The following ZDHHC1 variants were observed in gnomAD, a reference collection of about 807,000 sequenced individuals.
ZDHHC1 encodes the protein palmitoyltransferase ZDHHC1.
ZDHHC1 carries 45 observed loss-of-function variants against 46.9 expected under a neutral mutation model. The ratio of observed to expected loss-of-function variants is 0.96; its 90% CI spans 0.76 to 1.23. The LOEUF is 1.23. Ranked by LOEUF, ZDHHC1 falls within the 50% of genes most tolerant of loss-of-function variation. The pLI is 0.00. For synonymous variants in ZDHHC1, 291 were observed against 286.0 expected, an observed-to-expected ratio of 1.02 and a Z score of -0.18; for missense variants, 649 against 670.8, an observed-to-expected ratio of 0.97 and a Z score of 0.36.
chr16:67,412,111 CA>C lies in ZDHHC1; in HGVS notation c.-39+4059del, dbSNP rs746919515. On this transcript the variant is annotated intron_variant, in intron 1 of 11. Transcript: ENST00000565726. ...CTGGGCAACAGGCGAGACTCTGTCT[CA>C]AAAAAAAAAACAAAAAAAGGCTGCG... 7.1e-3 allele frequency among the ~76,000 whole-genome samples: 930 copies of C among 130,910 alleles called. 7 individuals carry two copies. The highest frequency in any genetic ancestry group is 0.024 in the African/African-American group (854 of 35,980). The allele number at this position is 130,910 out of a possible 152,430, so 85.9% of individuals were successfully genotyped here.
At chr16:67,395,823 T>A in intron 8 of ZDHHC1, 1 of 521,126 alleles carries the variant, frequency 1.9e-6, no homozygotes, top group South Asian at 2.2e-5. Flanking sequence ...CCAGCCCCCA[T>A]GGGTCTATAG....
rs1202449358 is a variant in ZDHHC1 at position 67,401,190 on chromosome 16, C to T, written c.253-58G>A. 17 of 1,585,130 alleles carry T rather than the reference C, an allele frequency of 1.1e-5. No homozygotes were observed. Among genetic ancestry groups the T allele is most frequent in the Non-Finnish European group, 1.4e-5 (16 of 1,166,876 alleles). ...TGCCGGCTGGGAGTCCTGCCCCGTT[C>T]CTTGCAGCCAGAGAACTCCCCACTG... On this transcript the variant is annotated intron_variant, in intron 3 of 11. Transcript: ENST00000565726. This position sits in a 1 kb window ranked among gnomAD's most constrained non-coding sequence, Gnocchi z 4.6.
At position 67,416,412 on chromosome 16, in the gene ZDHHC1, T is replaced by TGGAGGG. The variant is rs2040837099; in HGVS notation, c.-281_-280insCCCTCC. On this transcript the variant is annotated 5_prime_UTR_variant, in exon 1 of 12. Coordinates refer to ENST00000565726, the MANE Select transcript of ZDHHC1 (RefSeq NM_001323627.2). ...CTCCGGCTCCGGCTCCGGCTCCGGC[T>TGGAGGG]CCGGCTCCAGCAGGCTGGAGGGGCG... 4.9e-6 allele frequency: 1 copy of TGGAGGG among 205,298 alleles called. No individual in the cohort carries two copies. Among genetic ancestry groups the TGGAGGG allele is most frequent in the African/African-American group, 3.0e-5 (1 of 33,788 alleles). 12.7% of individuals were successfully genotyped at this position (205,298 alleles called of 1,614,324 possible).
At chr16:67,404,593 T>G (rs2040618176) in intron 3 of ZDHHC1, 2 of 438,094 alleles carry the variant, frequency 4.6e-6, no homozygotes. Context: ...GAACCCTGAA[T>G]GCGGAGACAA....
chr16:67,407,212 G>A (rs540887023), intron 2 of ZDHHC1, among the ~76,000 whole-genome samples: 57 of 152,308 alleles, frequency 3.7e-4, no homozygotes, highest in African/African-American at 1.3e-3. Flanking sequence ...CCCTCTAGCC[G>A]GACAGCTGGC....
chr16:67,414,316 T>C (rs891103532), intron 1 of ZDHHC1, among the ~76,000 whole-genome samples: 49 of 152,214 alleles, frequency 3.2e-4, no homozygotes, highest in African/African-American at 1.1e-3. Flanking sequence ...ACTGTTGCTT[T>C]TACTGCATCT....
At chr16:67,405,170 C>T (rs766230020) in intron 3 of ZDHHC1, among the ~76,000 whole-genome samples, 9 of 152,220 alleles carry the variant, frequency 5.9e-5, no homozygotes, top group African/African-American at 1.2e-4. Context: ...CCTCCACATA[C>T]CTACCCTGCC....
intron 7 of ZDHHC1, 32 bp from the exon 8 acceptor site, chr16:67,398,356 G>A: frequency 6.3e-7 from 1 of 1,597,724 alleles, no homozygotes; most frequent in South Asian, 1.1e-5. Context: ...TCAGTGCGGT[G>A]GAAGGGGGAC....
rs2040500415 is a variant in ZDHHC1 at position 67,399,357 on chromosome 16, G to C, written c.528C>G (p.Tyr176Ter). 35 of 1,612,410 alleles carry C rather than the reference G, an allele frequency of 2.2e-5. No individual in the cohort carries two copies. Among genetic ancestry groups the C allele is most frequent in the Non-Finnish European group, 2.9e-5 (34 of 1,179,266 alleles). Residue 176 changes from tyrosine to a stop codon, truncating the protein, a stop_gained and splice_region_variant, in exon 5 of 12, where the codon TAC (tyrosine) becomes TAG (stop). Transcript: ENST00000565726. LOFTEE classifies it high-confidence loss of function. ...WLNNCVGERN[Y>*]RLFLHSVASA... ...GCGTGCGGCCGGGCTGTCCTCACCG[G>C]TAGTTCCGCTCGCCCACACAGTTGT... is the stretch of plus-strand genomic sequence containing the variant.
intron 1 of ZDHHC1, among the ~76,000 whole-genome samples, chr16:67,412,774 CA>C (rs2040768348): frequency 6.6e-6 from 1 of 152,080 alleles, no homozygotes; most frequent in Non-Finnish European, 1.5e-5. Context: ...TTGTGGTTTC[CA>C]TGTGAGAGAT....
At chr16:67,395,688 G>A in intron 8 of ZDHHC1, 122 bp from the exon 9 acceptor site, 2 of 975,754 alleles carry the variant, frequency 2.0e-6, no homozygotes, top group Admixed American at 4.6e-5. Context: ...CCTCATGCCA[G>A]GCTCCCAGCC....
intron 1 of ZDHHC1, among the ~76,000 whole-genome samples, chr16:67,409,146 A>G (rs1450120218): frequency 6.6e-6 from 1 of 152,094 alleles, no homozygotes; most frequent in Non-Finnish European, 1.5e-5. Flanking sequence ...CTGACTCCTG[A>G]GGCAGGAGGA....
At chr16:67,404,161 T>C (rs1288749271) in intron 3 of ZDHHC1, 1 of 132,682 alleles carries the variant, frequency 7.5e-6, no homozygotes, top group African/African-American at 3.0e-5. Flanking sequence ...GATGACTGAC[T>C]GGATTTAAGT....
chr16:67,398,154 G>C lies in ZDHHC1; in HGVS notation c.927+58C>G. The C allele has an allele frequency of 2.6e-6, 4 of 1,536,472 alleles. No homozygotes were observed. The Admixed American group carries it at 6.8e-5, about 26-fold the overall frequency. On this transcript the variant is annotated intron_variant, in intron 8 of 11. Coordinates refer to ENST00000565726, the MANE Select transcript of ZDHHC1 (RefSeq NM_001323627.2). The stretch of plus-strand genomic sequence containing the variant: ...TGCCCTGTCTCCTCACTGGCTGCTC[G>C]CTGCACAGCCCAACACCCCCCACAC...
chr16:67,398,494 G>C (rs2040477185), intron 7 of ZDHHC1, 79 bp downstream of exon 7: 1 of 1,538,352 alleles, frequency 6.5e-7, no homozygotes, highest in Non-Finnish European at 8.7e-7. Context: ...CATGGTTTCA[G>C]GGTCCACCGT....
rs548608350 is a variant in ZDHHC1 at position 67,407,950 on chromosome 16, G to A, written c.-38-137C>T. On this transcript the variant is annotated intron_variant, in intron 1 of 11. Transcript: ENST00000565726. Reference sequence around the variant, plus strand: ...GCAGGGTCGTGAACCCATGCCTCCCGCAGCCCATCTCCCTCTGCCGGCTGG... The same window carrying A: ...GCAGGGTCGTGAACCCATGCCTCCCACAGCCCATCTCCCTCTGCCGGCTGG... 8.6e-4 allele frequency: 525 copies of A among 611,346 alleles called. 1 individual carries two copies. Among genetic ancestry groups the A allele is most frequent in the Non-Finnish European group, 1.2e-3 (384 of 330,778 alleles). The allele number at this position is 611,346 out of a possible 1,614,324, so 37.9% of individuals were successfully genotyped here.
At position 67,407,822 on chromosome 16, in the gene ZDHHC1, A is replaced by G; in HGVS notation, c.-38-9T>C. 2.6e-6 allele frequency: 2 copies of G among 779,238 alleles called. No individual in the cohort carries two copies. The highest frequency in any genetic ancestry group is 4.8e-6 in the Non-Finnish European group (2 of 417,098). 48.3% of individuals were successfully genotyped at this position (779,238 alleles called of 1,614,324 possible). A position where few individuals can be genotyped will look rare whatever the true frequency, so the allele number is the denominator to read the frequency against. ...TGCTGACTTGAAAACAGCTGAAATA[A>G]AAGGAAACGTGGGCACAGTAAATGG... On this transcript the variant is annotated splice_polypyrimidine_tract_variant and intron_variant, in intron 1 of 11. Coordinates refer to ENST00000565726, the MANE Select transcript of ZDHHC1 (RefSeq NM_001323627.2).
chr16:67,411,419 C>T (rs778590024), intron 1 of ZDHHC1, among the ~76,000 whole-genome samples: 5 of 152,128 alleles, frequency 3.3e-5, no homozygotes, highest in Non-Finnish European at 5.9e-5. Flanking sequence ...TTCTGGTTCC[C>T]GAGCTGCCAC....
chr16:67,399,288 C>A, intron 5 of ZDHHC1, 67 bp downstream of exon 5: 2 of 1,431,492 alleles, frequency 1.4e-6, no homozygotes, highest in Non-Finnish European at 1.9e-6. Context: ...ATGCGAGCTG[C>A]AAGGTCTGTG....
Sources: gnomAD v4.1 joint callset for allele counts (sites outside exome capture counted in the v4.1 genomes callset) on GRCh38, gnomAD v4.1.1 for gene constraint, Gnocchi (gnomAD v3.1) non-coding constraint, MANE v1.5 for transcripts, NCBI Gene and HGNC (gene_info 2026-07-23, HGNC 2026-07-21) for gene names.